EFCAB6: variants seen among roughly 807,000 people sequenced by gnomAD.
The protein encoded by EFCAB6 is EF-hand calcium binding domain 6.
A neutral mutation model predicts 169.8 loss-of-function variants in EFCAB6; 156 were observed. The ratio of observed to expected loss-of-function variants is 0.92; its 90% CI spans 0.81 to 1.05. The LOEUF is 1.05. EFCAB6 is among the 50% of genes least tolerant of loss of function. EFCAB6 has a pLI of 0.00. For synonymous variants in EFCAB6, 698 were observed against 676.4 expected (o/e 1.03, Z -0.50); for missense variants, 1,800 against 1,829.1 (o/e 0.98, Z 0.29).
chr22:43,550,540 C>T (rs749339593), intron 27 of EFCAB6, among the ~76,000 whole-genome samples: 61 of 151,802 alleles, frequency 4.0e-4, no homozygotes, highest in South Asian at 8.3e-4. Flanking sequence ...GGCGTGGTAG[C>T]GGGCACCTGT....
At position 43,809,062 on chromosome 22, in the gene EFCAB6, T is replaced by C. The variant is rs953590483; in HGVS notation, c.-75A>G. 2 of 152,144 alleles carry C rather than the reference T, an allele frequency of 1.3e-5. No individual in the cohort carries two copies. The highest frequency in any genetic ancestry group is 4.8e-5 in the African/African-American group (2 of 41,410). The allele number at this position is 152,144 out of a possible 1,614,324, so 9.4% of individuals were successfully genotyped here. A position where few individuals can be genotyped will look rare whatever the true frequency, so the allele number is the denominator to read the frequency against. ...AAGTCCACATTCTCTCCCTGAAGAG[T>C]GAGGACATTAAGCCCACACTTTTGT... On this transcript the variant is annotated 5_prime_UTR_variant, in exon 2 of 32. Transcript: ENST00000262726.
chr22:43,772,844 C>G (rs1481100610), intron 4 of EFCAB6, 48 bp downstream of exon 4: 1 of 1,603,470 alleles, frequency 6.2e-7, no homozygotes, highest in Non-Finnish European at 8.5e-7. Flanking sequence ...TGATCTACCT[C>G]AGCTTGTCTG....
chr22:43,811,043 AG>A (rs998666471), intron 1 of EFCAB6, among the ~76,000 whole-genome samples: 1 of 152,124 alleles, frequency 6.6e-6, no homozygotes, highest in Non-Finnish European at 1.5e-5. Flanking sequence ...AATTAGGCCA[AG>A]GCGGGCGGAT....
intron 6 of EFCAB6, among the ~76,000 whole-genome samples, chr22:43,740,775 G>A (rs1360021510): frequency 6.6e-6 from 1 of 152,194 alleles, no homozygotes; most frequent in Non-Finnish European, 1.5e-5. Flanking sequence ...GCCTGAAAGA[G>A]GGAGCCCCAG....
rs1005058272 is a variant in EFCAB6 at position 43,724,635 on chromosome 22, G to T, written c.757+7064C>A. Among the ~76,000 whole-genome samples, 9 of 152,116 alleles carry T rather than the reference G, an allele frequency of 5.9e-5. No homozygotes were observed. The East Asian group carries it at 1.7e-3, about 29-fold the overall frequency. On this transcript the variant is annotated intron_variant, in intron 8 of 31. Transcript: ENST00000262726. Reference sequence around the variant, plus strand: ...TCTGCCTGCCTTGGCCTCCCAAAGTGCTAGGATTACAGGCATGAGCCACCG... The same window carrying T: ...TCTGCCTGCCTTGGCCTCCCAAAGTTCTAGGATTACAGGCATGAGCCACCG...
chr22:43,748,913 C>T (rs371300998), intron 6 of EFCAB6, among the ~76,000 whole-genome samples: 8 of 152,256 alleles, frequency 5.3e-5, no homozygotes, highest in African/African-American at 9.6e-5. Flanking sequence ...AGAAGTCTGA[C>T]GGGCTCTGGC....
chr22:43,762,428 G>A (rs2061194611), intron 5 of EFCAB6, among the ~76,000 whole-genome samples: 1 of 152,148 alleles, frequency 6.6e-6, no homozygotes, highest in Admixed American at 6.5e-5. Flanking sequence ...TTTGTAGAAT[G>A]CTCCCTTCTC....
intron 2 of EFCAB6, among the ~76,000 whole-genome samples, chr22:43,789,883 A>ACACACAC (rs61135895): frequency 4.0e-5 from 6 of 151,150 alleles, no homozygotes; most frequent in South Asian, 2.1e-4. Flanking sequence ...ACACACACAC[A>ACACACAC]AAAGTCTTCC....
chr22:43,644,429 A>G (rs1219955739), intron 17 of EFCAB6, among the ~76,000 whole-genome samples: 1 of 152,154 alleles, frequency 6.6e-6, no homozygotes, highest in Non-Finnish European at 1.5e-5. Context: ...AAATGCTATG[A>G]CCATTAGATC....
intron 19 of EFCAB6, among the ~76,000 whole-genome samples, chr22:43,631,313 A>C (rs1259757917): frequency 6.6e-6 from 1 of 151,426 alleles, no homozygotes; most frequent in African/African-American, 2.4e-5. Context: ...CTCATCACAA[A>C]AAGAGCTCAG....
chr22:43,538,350 C>T (rs1002743571), intron 28 of EFCAB6, among the ~76,000 whole-genome samples: 9 of 152,046 alleles, frequency 5.9e-5, no homozygotes, highest in African/African-American at 1.2e-4. Flanking sequence ...ACCTCCTCAC[C>T]GACCCACACC....
In EFCAB6 at chr22:43,711,573, G is replaced by A. The variant is rs1314613168; in HGVS notation, c.933C>T (p.Pro311=). 3 of 1,603,600 alleles carry A rather than the reference G, an allele frequency of 1.9e-6. No individual in the cohort carries two copies. Among genetic ancestry groups the A allele is most frequent in the Middle Eastern group, 1.7e-4 (1 of 6,044 alleles). The stretch of plus-strand genomic sequence containing the variant: ...TAAAAGACACGTAGCCACCTTTACA[G>A]GGGTCCCCTGCACTGAGGGCCTTTT... The part of the protein sequence containing the change: ...KVEKALSAGD[P]CKGGYVSFNY... The change falls in exon 10 of 32, where the codon CCC becomes CCT. Residue 311 remains proline (P), a synonymous_variant. Transcript: ENST00000262726.
chr22:43,612,725 C>T (rs1198655134), intron 21 of EFCAB6, among the ~76,000 whole-genome samples: 1 of 151,902 alleles, frequency 6.6e-6, no homozygotes, highest in Non-Finnish European at 1.5e-5. Flanking sequence ...AACCCTGTCT[C>T]TACTAAAAAT....
At position 43,621,906 on chromosome 22, in the gene EFCAB6, A is replaced by G. The variant is rs529764710; in HGVS notation, c.2465+4541T>C. Among the ~76,000 whole-genome samples, 145 of 152,286 alleles carry G rather than the reference A, an allele frequency of 9.5e-4. 1 individual carries two copies. The highest frequency in any genetic ancestry group is 2.8e-3 in the African/African-American group (117 of 41,570). ...TAAAAAAATTAAAAGAACACCATGA[A>G]CCATATTAATTCCATGAATTTGACA... On this transcript the variant is annotated intron_variant, in intron 20 of 31. Coordinates refer to ENST00000262726, the MANE Select transcript of EFCAB6 (RefSeq NM_022785.4).
intron 17 of EFCAB6, among the ~76,000 whole-genome samples, chr22:43,648,893 T>C (rs112460413): frequency 0.09 from 13,635 of 152,206 alleles, 753 homozygotes; most frequent in South Asian, 0.18. Context: ...CTGATTTAGA[T>C]GCTAGAGATA....
In EFCAB6 at chr22:43,744,120, G is replaced by T. The variant is rs955912091; in HGVS notation, c.508-8127C>A. ...AATGAATGAATGAATGAATGGATGG[G>T]TTATGGATGGATGGATGGGTAGATG... On this transcript the variant is annotated intron_variant, in intron 6 of 31. Transcript: ENST00000262726. The surrounding 1 kb of genome is among the most constrained non-coding windows in gnomAD (Gnocchi z 4.3). Among the ~76,000 whole-genome samples, 4 of 149,540 alleles carry T rather than the reference G, an allele frequency of 2.7e-5. No homozygotes were observed. The highest frequency in any genetic ancestry group is 5.9e-5 in the Non-Finnish European group (4 of 67,350).
chr22:43,554,670 T>C, intron 27 of EFCAB6, 199 bp downstream of exon 27: 1 of 595,450 alleles, frequency 1.7e-6, no homozygotes, highest in Middle Eastern at 4.5e-4. Flanking sequence ...ATTTGTACCC[T>C]GATGAAAATG....
At chr22:43,653,030 T>C (rs981394695) in intron 17 of EFCAB6, among the ~76,000 whole-genome samples, 2 of 151,956 alleles carry the variant, frequency 1.3e-5, no homozygotes, top group Non-Finnish European at 1.5e-5. Flanking sequence ...GGCAGATCAA[T>C]AGGAAATACT....
intron 17 of EFCAB6, among the ~76,000 whole-genome samples, chr22:43,651,379 C>G (rs1344407981): frequency 6.6e-6 from 1 of 152,232 alleles, no homozygotes; most frequent in African/African-American, 2.4e-5. Flanking sequence ...TGTGAGTGCA[C>G]AGAAGTCAAG....
Sources: allele counts gnomAD v4.1 joint callset (sites outside exome capture counted in the v4.1 genomes callset), GRCh38; gene constraint gnomAD v4.1.1; non-coding constraint Gnocchi (gnomAD v3.1); transcripts MANE v1.5; gene names NCBI Gene and HGNC (gene_info 2026-07-23, HGNC 2026-07-21).